The following TRIM61 variants were observed in gnomAD, a reference collection of about 807,000 sequenced individuals.
The protein encoded by TRIM61 is tripartite motif containing 61.
Under a neutral mutation model 14.2 loss-of-function variants are expected in TRIM61, and 1 was observed. That is an observed-to-expected ratio of 0.07 (90% CI 0.03 to 0.33). TRIM61 has a LOEUF of 0.33. Among genes scored for constraint, TRIM61 ranks in the 10% least tolerant of loss-of-function variants. The pLI is 0.99. For synonymous variants in TRIM61, 8 were observed against 71.6 expected, an observed-to-expected ratio of 0.11 and a Z score of 4.49; for missense variants, 19 against 202.2, an observed-to-expected ratio of 0.09 and a Z score of 5.49.
At chr4:164,956,999 G>C in intron 3 of TRIM61, 1 of 1,469,018 alleles carries the variant, frequency 6.8e-7, no homozygotes, top group South Asian at 1.4e-5. Flanking sequence ...TTGGAGACCG[G>C]GGCAGCGCCA....
At chr4:164,977,080 A>G (rs1732498110) in intron 1 of TRIM61, among the ~76,000 whole-genome samples, 1 of 152,170 alleles carries the variant, frequency 6.6e-6, no homozygotes, top group African/African-American at 2.4e-5. Flanking sequence ...GATTCTTAAC[A>G]TGCCTGCACC....
chr4:164,968,709 A>G (rs903363267), intron 3 of TRIM61: 77 of 984,224 alleles, frequency 7.8e-5, no homozygotes, highest in Non-Finnish European at 9.2e-5. Context: ...CTATCATTCA[A>G]ATTATAAAAG....
intron 3 of TRIM61, among the ~76,000 whole-genome samples, chr4:164,963,058 T>G (rs533667366): frequency 6.6e-6 from 1 of 152,064 alleles, no homozygotes; most frequent in South Asian, 2.1e-4. Context: ...ATAGAAAAAA[T>G]TAAAATGTAA....
At chr4:164,966,118 T>C (rs990901273) in intron 3 of TRIM61, among the ~76,000 whole-genome samples, 1 of 152,046 alleles carries the variant, frequency 6.6e-6, no homozygotes, top group African/African-American at 2.4e-5. Context: ...AAGATGAAAA[T>C]GGTATAAAGC....
Position 164,957,227 on chromosome 4 carries a change from GTCCAACAGCGGTCGC to G in TRIM61, c.526-2146_526-2132del, listed in dbSNP as rs145488590. 3.1e-3 allele frequency: 5,054 copies of G among 1,614,042 alleles called. 147 individuals carry two copies. In the African/African-American group the frequency reaches 0.06, roughly 19 times the overall value. ...CAGACATCCAGGGACGACCACATTC[GTCCAACAGCGGTCGC>G]TCCACCAATCCTGGGAGAAGCGAAT... On this transcript the variant is annotated intron_variant, in intron 3 of 4. Coordinates refer to ENST00000329314, the MANE Select transcript of TRIM61 (RefSeq NM_001012414.3).
Position 164,956,883 on chromosome 4 carries a change from G to A in TRIM61, c.526-1787C>T, listed in dbSNP as rs140684049. On this transcript the variant is annotated intron_variant, in intron 3 of 4. Coordinates refer to ENST00000329314, the MANE Select transcript of TRIM61 (RefSeq NM_001012414.3). ...CTGCAGCGTTTCTCCCAGGAGGCTGGGCGAGTCCGTAGCGGAAGTCGGAGC... is the reference window on the plus strand; with the variant it reads ...CTGCAGCGTTTCTCCCAGGAGGCTGAGCGAGTCCGTAGCGGAAGTCGGAGC... 1.9e-4 allele frequency: 159 copies of A among 832,732 alleles called. No homozygotes were observed. The African/African-American group carries it at 2.5e-3, about 13-fold the overall frequency. The allele number at this position is 832,732 out of a possible 1,614,324, so 51.6% of individuals were successfully genotyped here.
At chr4:164,975,230 T>TA (rs879503925) in intron 2 of TRIM61, among the ~76,000 whole-genome samples, 116 of 133,508 alleles carry the variant, frequency 8.7e-4, no homozygotes, top group African/African-American at 8.8e-4. Context: ...AACTCCATCT[T>TA]AAAAAAAAAA....
chr4:164,958,511 G>T (rs191380134), intron 3 of TRIM61: 1 of 167,082 alleles, frequency 6.0e-6, no homozygotes, highest in Non-Finnish European at 1.5e-5. Flanking sequence ...TATTATTTAG[G>T]AGAGGAGCTC....
chr4:164,964,810 G>C (rs560394784), intron 3 of TRIM61, among the ~76,000 whole-genome samples: 1 of 152,196 alleles, frequency 6.6e-6, no homozygotes, highest in Non-Finnish European at 1.5e-5. Context: ...ATCACTTACA[G>C]AAATGATTCT....
At chr4:164,973,002 AAC>A (rs1732403063) in intron 2 of TRIM61, among the ~76,000 whole-genome samples, 1 of 152,132 alleles carries the variant, frequency 6.6e-6, no homozygotes, top group Admixed American at 6.6e-5. Context: ...CAAACAAACA[AAC>A]ACAGGTATCA....
rs755929596 is a variant in TRIM61, at chr4:164,961,318, A to G, written c.526-6222T>C. ...ATAAAATCAAATGGAAATGCTAGCA[A>G]TGAAAACCACAGAAAAGAGATGAAG... On this transcript the variant is annotated intron_variant, in intron 3 of 4. Coordinates refer to ENST00000329314, the MANE Select transcript of TRIM61 (RefSeq NM_001012414.3). Among the ~76,000 whole-genome samples, 4 of 152,020 alleles carry G rather than the reference A, an allele frequency of 2.6e-5. No individual in the cohort carries two copies. The South Asian group carries it at 6.2e-4, about 24-fold the overall frequency.
intron 2 of TRIM61, among the ~76,000 whole-genome samples, chr4:164,975,700 T>C (rs1040378257): frequency 2.0e-5 from 3 of 152,232 alleles, no homozygotes; most frequent in African/African-American, 7.2e-5. Context: ...CAGGGACCTC[T>C]GCCCTTGAAA....
intron 3 of TRIM61, chr4:164,957,762 A>G (rs1458206865): frequency 8.7e-6 from 3 of 346,252 alleles, no homozygotes; most frequent in Non-Finnish European, 1.6e-5. Flanking sequence ...AGATGAAAAC[A>G]AAACTTTCAG....
chr4:164,955,385 G>A (rs1470507591), intron 3 of TRIM61, among the ~76,000 whole-genome samples: 1 of 151,896 alleles, frequency 6.6e-6, no homozygotes, highest in East Asian at 1.9e-4. Flanking sequence ...TGAGTTCTGT[G>A]CCACACCAAA....
At chr4:164,957,487 T>C in intron 3 of TRIM61, 1 of 1,609,826 alleles carries the variant, frequency 6.2e-7, no homozygotes, top group Non-Finnish European at 8.5e-7. Flanking sequence ...TGGGCTCACC[T>C]GTCCTATAGA....
chr4:164,973,609 A>G (rs1239169692), intron 2 of TRIM61, among the ~76,000 whole-genome samples: 3 of 152,232 alleles, frequency 2.0e-5, no homozygotes, highest in African/African-American at 4.8e-5. Context: ...TGGTCAAGTT[A>G]ATTTCTCTGA....
intron 3 of TRIM61, among the ~76,000 whole-genome samples, chr4:164,965,997 G>T (rs1732231502): frequency 6.6e-6 from 1 of 152,126 alleles, no homozygotes; most frequent in Non-Finnish European, 1.5e-5. Context: ...CATAAAGACA[G>T]GTAAAACAAT....
chr4:164,957,539 A>G, intron 3 of TRIM61: 2 of 1,546,810 alleles, frequency 1.3e-6, no homozygotes, highest in Non-Finnish European at 1.7e-6. Context: ...GACATCTGAC[A>G]TCTGAAACAG....
intron 3 of TRIM61, among the ~76,000 whole-genome samples, chr4:164,960,228 C>A (rs1223894103): frequency 6.6e-6 from 1 of 152,098 alleles, no homozygotes; most frequent in Non-Finnish European, 1.5e-5. Flanking sequence ...TGGACCCAGC[C>A]TCCAGAACTG....
Sources: allele counts gnomAD v4.1 joint callset (sites outside exome capture counted in the v4.1 genomes callset), GRCh38; gene constraint gnomAD v4.1.1; transcripts MANE v1.5; gene names NCBI Gene and HGNC (gene_info 2026-07-23, HGNC 2026-07-21).